The following LIMCH1 variants were observed in gnomAD, a reference collection of about 807,000 sequenced individuals.
LIMCH1 encodes LIM and calponin homology domains-containing protein 1.
A neutral mutation model predicts 176.5 loss-of-function variants in LIMCH1; 113 were observed. The ratio of observed to expected loss-of-function variants is 0.64; its 90% confidence interval spans 0.55 to 0.75. LIMCH1 has a LOEUF of 0.75. Among genes scored for constraint, LIMCH1 ranks in the 30% least tolerant of loss-of-function variants. LIMCH1 has a pLI of 0.00. For synonymous variants in LIMCH1, 619 were observed against 645.9 expected (o/e 0.96, Z 0.63); for missense variants, 1,674 against 1,814.9 (o/e 0.92, Z 1.41).
At chr4:41,361,071 C>T (rs2051940382) in intron 1 of LIMCH1, 3 of 548,640 alleles carry the variant, frequency 5.5e-6, no homozygotes, top group Non-Finnish European at 6.3e-6. Context: ...CCAGGTCACC[C>T]CCCCGGGCCT....
chr4:41,680,172 G>T (rs1013712740), intron 24 of LIMCH1, 74 bp downstream of exon 24: 7 of 1,009,072 alleles, frequency 6.9e-6, no homozygotes, highest in Non-Finnish European at 1.1e-5. Context: ...CTCTGTGTCT[G>T]TGGCATGCGG....
rs62411135 is a variant in LIMCH1 at position 41,480,219 on chromosome 4, C to A, written c.97-14317C>A. 6.3e-4 allele frequency among the ~76,000 whole-genome samples: 96 copies of A among 152,276 alleles called. 3 individuals carry two copies. The highest frequency in any genetic ancestry group is 1.7e-3 in the South Asian group (8 of 4,826). On this transcript the variant is annotated intron_variant, in intron 1 of 26. Transcript: ENST00000313860. The stretch of plus-strand genomic sequence containing the variant: ...AAGCCATTTGTCCAGTTCCCAAGTG[C>A]CAGACCTGGAATTGGAATGTAGATC...
rs534654624 is a variant in LIMCH1, at chr4:41,545,062, C to T, written c.-241+6712C>T. On this transcript the variant is annotated intron_variant, in intron 1 of 31. Coordinates refer to ENST00000503057, the MANE Select transcript of LIMCH1 (RefSeq NM_001330672.2). ...AGTGTCATAGGACAGGCTACTTTGA[C>T]TCCTTTGTATAACCTCAAAGTCACT... Among the ~76,000 whole-genome samples the T allele has an allele frequency of 1.6e-4, 24 of 152,338 alleles. No homozygotes were observed. In the South Asian group the frequency reaches 4.1e-3, roughly 26 times the overall value.
chr4:41,661,281 A>G (rs1355661420), intron 18 of LIMCH1, 139 bp from the exon 19 acceptor site: 3 of 650,212 alleles, frequency 4.6e-6, no homozygotes, highest in Non-Finnish European at 8.2e-6. Flanking sequence ...GGCTCTCGCC[A>G]TGAAGCTGCC....
At chr4:41,463,734 T>C (rs538157291) in intron 1 of LIMCH1, among the ~76,000 whole-genome samples, 1 of 151,834 alleles carries the variant, frequency 6.6e-6, no homozygotes, top group African/African-American at 2.4e-5. Flanking sequence ...CGCGCTACCA[T>C]GTGTGGCTAA....
chr4:41,631,556 T>A, intron 10 of LIMCH1, 79 bp downstream of exon 10: 1 of 1,162,172 alleles, frequency 8.6e-7, no homozygotes, highest in Non-Finnish European at 1.2e-6. Context: ...AAGCACATTA[T>A]ACAAGCCCCT....
intron 5 of LIMCH1, among the ~76,000 whole-genome samples, chr4:41,616,819 G>T (rs898309159): frequency 1.3e-5 from 2 of 152,086 alleles, no homozygotes; most frequent in African/African-American, 4.8e-5. Flanking sequence ...GGACCCTGAA[G>T]TATAGAAGAT....
intron 1 of LIMCH1, among the ~76,000 whole-genome samples, chr4:41,485,921 C>T (rs1456440402): frequency 1.3e-5 from 2 of 152,026 alleles, no homozygotes; most frequent in African/African-American, 2.4e-5. Context: ...AGAATGCAGG[C>T]AGTGAGAAGC....
intron 1 of LIMCH1, among the ~76,000 whole-genome samples, chr4:41,584,680 G>T (rs545960532): frequency 1.9e-4 from 29 of 151,666 alleles, no homozygotes; most frequent in South Asian, 4.2e-4. Context: ...TGTTTTTTTT[G>T]TTTGTTTGTT....
chr4:41,365,442 GC>G (rs1418023719), intron 1 of LIMCH1, among the ~76,000 whole-genome samples: 6 of 152,192 alleles, frequency 3.9e-5, no homozygotes, highest in Non-Finnish European at 1.5e-5. Flanking sequence ...TTTATGAATA[GC>G]TTTTGAGATA....
At chr4:41,639,375 A>G (rs2093727448) in intron 14 of LIMCH1, among the ~76,000 whole-genome samples, 1 of 152,194 alleles carries the variant, frequency 6.6e-6, no homozygotes, top group African/African-American at 2.4e-5. Context: ...CTCATTTTTT[A>G]ACTAAGAAAA....
At chr4:41,447,283 T>G (rs1561400051) in intron 1 of LIMCH1, among the ~76,000 whole-genome samples, 1 of 152,166 alleles carries the variant, frequency 6.6e-6, no homozygotes, top group Non-Finnish European at 1.5e-5. Context: ...ATAAATTTAT[T>G]CATTGCATTT....
intron 1 of LIMCH1, among the ~76,000 whole-genome samples, chr4:41,403,252 A>G (rs1561257607): frequency 6.6e-6 from 1 of 152,026 alleles, no homozygotes; most frequent in Non-Finnish European, 1.5e-5. Context: ...ATAGCATGGT[A>G]TTTAAGATGC....
intron 1 of LIMCH1, among the ~76,000 whole-genome samples, chr4:41,465,130 C>T (rs758845408): frequency 2.0e-5 from 3 of 152,152 alleles, no homozygotes; most frequent in Non-Finnish European, 2.9e-5. Flanking sequence ...AGGGAATTCT[C>T]CAAGTTGCAT....
chr4:41,693,951 A>AT (rs891923600), intron 31 of LIMCH1, among the ~76,000 whole-genome samples: 2 of 152,104 alleles, frequency 1.3e-5, no homozygotes, highest in African/African-American at 2.4e-5. Flanking sequence ...TTTCATCTAG[A>AT]TTTTTTTAAA....
chr4:41,671,522 ATCTTTTTTTTCTT>A lies in LIMCH1; in HGVS notation c.3398-19_3398-7del, dbSNP rs1040320095. The A allele has an allele frequency of 3.5e-5, 56 of 1,582,714 alleles. No homozygotes were observed. Among genetic ancestry groups the A allele is most frequent in the Non-Finnish European group, 4.7e-5 (54 of 1,152,914 alleles). On this transcript the variant is annotated intron_variant, in intron 21 of 31. Transcript: ENST00000503057. ...ACAATTAGAAAATACTCACATTCAT[ATCTTTTTTTTCTT>A]TCTTTTTTTTCTGTGCAGTGGATTC...
intron 1 of LIMCH1, among the ~76,000 whole-genome samples, chr4:41,423,748 T>C (rs964786971): frequency 4.6e-5 from 7 of 152,196 alleles, no homozygotes; most frequent in Non-Finnish European, 7.3e-5. Flanking sequence ...GGGAGAATTC[T>C]TGGGTGAGGG....
Position 41,698,886 on chromosome 4 carries a change from T to G in LIMCH1, c.*1701T>G, listed in dbSNP as rs765900370. On this transcript the variant is annotated 3_prime_UTR_variant, in exon 32 of 32. Transcript: ENST00000503057. ...AACGCAAAGCTGTTGCACATGGCGA[T>G]AAATTATGGATGCAGTACATTGAAG... 2 of 152,642 alleles carry G rather than the reference T, an allele frequency of 1.3e-5. No homozygotes were observed. The highest frequency in any genetic ancestry group is 2.9e-5 in the Non-Finnish European group (2 of 68,040). The allele number at this position is 152,642 out of a possible 1,614,324, so 9.5% of individuals were successfully genotyped here.
chr4:41,424,156 T>A (rs1469329458), intron 1 of LIMCH1, among the ~76,000 whole-genome samples: 1 of 152,096 alleles, frequency 6.6e-6, no homozygotes, highest in Non-Finnish European at 1.5e-5. Context: ...TCTTTCCCTC[T>A]CTCCCTCCCT....
Sources: gnomAD v4.1 joint callset for allele counts (sites outside exome capture counted in the v4.1 genomes callset) on GRCh38, gnomAD v4.1.1 for gene constraint, MANE v1.5 for transcripts, NCBI Gene and HGNC (gene_info 2026-07-23, HGNC 2026-07-21) for gene names.